Variants in STX18 observed in about 807,000 individuals in gnomAD.
STX18 encodes syntaxin-18.
STX18 carries 40 observed loss-of-function variants against 50.1 expected under a neutral mutation model. The ratio of observed to expected loss-of-function variants is 0.80; its 90% confidence interval spans 0.62 to 1.04. STX18 has a LOEUF of 1.04. Among genes scored for constraint, STX18 ranks in the 50% least tolerant of loss-of-function variants. STX18 has a pLI of 0.00. For synonymous variants in STX18, 158 were observed against 151.8 expected (o/e 1.04, Z -0.30); for missense variants, 410 against 415.8 (o/e 0.99, Z 0.12).
chr4:4,527,314 T>G (rs1163901350), intron 1 of STX18, among the ~76,000 whole-genome samples: 3 of 152,094 alleles, frequency 2.0e-5, no homozygotes, highest in Non-Finnish European at 4.4e-5. Flanking sequence ...GGGAATTCAC[T>G]CACAAAAAAA....
chr4:4,483,102 G>T (rs1448274152), intron 1 of STX18, among the ~76,000 whole-genome samples: 1 of 152,132 alleles, frequency 6.6e-6, no homozygotes, highest in African/African-American at 2.4e-5. Context: ...AGACAATGAG[G>T]CTGGTTAACA....
chr4:4,447,897 GAACC>G (rs894788301), intron 5 of STX18, among the ~76,000 whole-genome samples: 6 of 152,146 alleles, frequency 3.9e-5, no homozygotes, highest in Admixed American at 3.9e-4. Context: ...GAAAACTGCT[GAACC>G]AACCCATAAA....
chr4:4,523,825 T>C (rs913115831), intron 1 of STX18, among the ~76,000 whole-genome samples: 6 of 152,192 alleles, frequency 3.9e-5, no homozygotes, highest in African/African-American at 1.4e-4. Context: ...CTGAAAACTT[T>C]TTCTAGTGCA....
chr4:4,486,797 C>G (rs187645686), intron 1 of STX18, among the ~76,000 whole-genome samples: 1 of 152,338 alleles, frequency 6.6e-6, no homozygotes, highest in Non-Finnish European at 1.5e-5. Context: ...TCAACTCTAT[C>G]TTTAAAATTA....
chr4:4,482,507 C>G (rs1728511252), intron 1 of STX18, among the ~76,000 whole-genome samples: 1 of 152,234 alleles, frequency 6.6e-6, no homozygotes, highest in Admixed American at 6.5e-5. Context: ...TTACACTCTT[C>G]TCTCTTTTTC....
chr4:4,502,176 A>C (rs974742552), intron 1 of STX18, among the ~76,000 whole-genome samples: 1 of 152,236 alleles, frequency 6.6e-6, no homozygotes, highest in African/African-American at 2.4e-5. Context: ...AAAGCACTAT[A>C]GGCAAAAGGG....
chr4:4,441,428 C>G (rs1560165631), intron 5 of STX18, among the ~76,000 whole-genome samples: 1 of 152,090 alleles, frequency 6.6e-6, no homozygotes, highest in African/African-American at 2.4e-5. Context: ...ATAACAACAA[C>G]AAAATGACTT....
chr4:4,437,951 C>A (rs112534754), intron 6 of STX18, among the ~76,000 whole-genome samples: 33 of 152,360 alleles, frequency 2.2e-4, no homozygotes, highest in Middle Eastern at 3.4e-3. Context: ...ATAGGCAGCA[C>A]GTCAATTCAG....
At chr4:4,538,417 C>T (rs754241817) in intron 1 of STX18, among the ~76,000 whole-genome samples, 5 of 152,154 alleles carry the variant, frequency 3.3e-5, no homozygotes, top group Non-Finnish European at 5.9e-5. Context: ...TCTGCACCAC[C>T]GCTGATTCAT....
rs1427149286 is a variant in STX18 at position 4,474,300 on chromosome 4, CAG to C, written c.169-2596_169-2595del. Among the ~76,000 whole-genome samples, 9 of 149,960 alleles carry C rather than the reference CAG, an allele frequency of 6.0e-5. No individual in the cohort carries two copies. The South Asian group carries it at 1.5e-3, about 24-fold the overall frequency. On this transcript the variant is annotated intron_variant, in intron 1 of 10. Transcript: ENST00000306200. Reference sequence around the variant, plus strand: ...CACCAGACTGCAAACTCTGAGAGGGCAGAGAGTCCTCTCTCTTTCCCCAGAGC... The same window carrying C: ...CACCAGACTGCAAACTCTGAGAGGGCAGAGTCCTCTCTCTTTCCCCAGAGC...
At chr4:4,521,132 A>G (rs560036724) in intron 1 of STX18, among the ~76,000 whole-genome samples, 2 of 152,282 alleles carry the variant, frequency 1.3e-5, no homozygotes, top group South Asian at 4.1e-4. Flanking sequence ...ATAAAATGCA[A>G]AAGTCTGGCA....
intron 1 of STX18, among the ~76,000 whole-genome samples, chr4:4,531,869 C>T (rs564410304): frequency 6.6e-6 from 1 of 152,252 alleles, no homozygotes; most frequent in East Asian, 1.9e-4. Flanking sequence ...AAAAAACAAA[C>T]TACATTTTTT....
rs1724793003 is a variant in STX18 at position 4,419,349 on chromosome 4, G to C, written c.*685C>G. On this transcript the variant is annotated 3_prime_UTR_variant, in exon 11 of 11. Coordinates refer to ENST00000306200, the MANE Select transcript of STX18 (RefSeq NM_016930.4). ...CCTGTTCTGGGGGCAGCAGTCTTTG[G>C]AGGAGTAATGCCAGGCAGCCCCTCA... 6.6e-6 allele frequency: 1 copy of C among 151,578 alleles called. No homozygotes were observed. The highest frequency in any genetic ancestry group is 1.5e-5 in the Non-Finnish European group (1 of 67,852). 9.4% of individuals were successfully genotyped at this position (151,578 alleles called of 1,614,324 possible). A position where few individuals can be genotyped will look rare whatever the true frequency, so the allele number is the denominator to read the frequency against.
rs1553822011 is a variant in STX18, at chr4:4,420,231, G to GTAAC, written c.913-106_913-103dup. 5 of 854,532 alleles carry GTAAC rather than the reference G, an allele frequency of 5.9e-6. No homozygotes were observed. Among genetic ancestry groups the GTAAC allele is most frequent in the East Asian group, 2.7e-5 (1 of 37,600 alleles). The allele number at this position is 854,532 out of a possible 1,614,324, so 52.9% of individuals were successfully genotyped here. A position where few individuals can be genotyped will look rare whatever the true frequency, so the allele number is the denominator to read the frequency against. On this transcript the variant is annotated intron_variant, in intron 10 of 10. Coordinates refer to ENST00000306200, the MANE Select transcript of STX18 (RefSeq NM_016930.4). This position sits in a 1 kb window ranked among gnomAD's most constrained non-coding sequence, Gnocchi z 4.3. ...CCCACGTGCTCTCCTGATCCTGGCT[G>GTAAC]TAACTATGGGTGTCGTTCCATCTGT...
Position 4,542,019 on chromosome 4 carries a change from C to T in STX18, c.-55G>A. 6.7e-7 allele frequency: 1 copy of T among 1,489,472 alleles called. No individual in the cohort carries two copies. Among genetic ancestry groups the T allele is most frequent in the Non-Finnish European group, 8.9e-7 (1 of 1,117,742 alleles). 92.3% of individuals were successfully genotyped at this position (1,489,472 alleles called of 1,614,324 possible). A position where few individuals can be genotyped will look rare whatever the true frequency, so the allele number is the denominator to read the frequency against. On this transcript the variant is annotated 5_prime_UTR_variant, in exon 1 of 11. Transcript: ENST00000306200. ...GCCCGCCCACGTAAGCAGCCGGCGA[C>T]CGCGGCGCGAACCCGGCCGCTGAAG... is the stretch of plus-strand genomic sequence containing the variant.
rs142238617 is a variant in STX18 at position 4,519,964 on chromosome 4, G to C, written c.168+21833C>G. ...TATAAAAGAATATCATTTATCTTAT[G>C]ATGCAGTAATAACAGTAAAACAAAA... On this transcript the variant is annotated intron_variant, in intron 1 of 10. Transcript: ENST00000306200. Among the ~76,000 whole-genome samples the C allele has an allele frequency of 1.2e-3, 178 of 152,276 alleles. 3 individuals are homozygous for C. In the East Asian group the frequency reaches 0.027, roughly 23 times the overall value.
chr4:4,457,147 A>G (rs1727123365), intron 5 of STX18, 44 bp downstream of exon 5: 3 of 1,514,456 alleles, frequency 2.0e-6, no homozygotes, highest in Non-Finnish European at 2.7e-6. Context: ...TATTATTAGT[A>G]GTACTATTAT....
chr4:4,493,086 A>G (rs570107414), intron 1 of STX18, among the ~76,000 whole-genome samples: 1 of 152,378 alleles, frequency 6.6e-6, no homozygotes, highest in Non-Finnish European at 1.5e-5. Context: ...TTAAATATCC[A>G]TAAAGTGCTC....
At chr4:4,443,990 G>A (rs13130805) in intron 5 of STX18, among the ~76,000 whole-genome samples, 9 of 151,926 alleles carry the variant, frequency 5.9e-5, no homozygotes, top group Admixed American at 5.2e-4. Context: ...CTCCTAGTAC[G>A]TCTTGTCTGA....
Sources: gnomAD v4.1 joint callset for allele counts (sites outside exome capture counted in the v4.1 genomes callset) on GRCh38, gnomAD v4.1.1 for gene constraint, Gnocchi (gnomAD v3.1) non-coding constraint, MANE v1.5 for transcripts, NCBI Gene and HGNC (gene_info 2026-07-23, HGNC 2026-07-21) for gene names.